The following ANAPC15 variants were observed in gnomAD, a reference collection of about 807,000 sequenced individuals.
ANAPC15 encodes the protein anaphase-promoting complex subunit 15.
Under a neutral mutation model 19.8 loss-of-function variants are expected in ANAPC15, and 13 were observed. The ratio of observed to expected loss-of-function variants is 0.66; its 90% CI spans 0.43 to 1.04. The LOEUF is 1.04. Among genes scored for constraint, ANAPC15 ranks in the 50% least tolerant of loss-of-function variants. The pLI, the probability that ANAPC15 is intolerant of heterozygous loss-of-function variation, is 0.00. For missense variants in ANAPC15, 88 were observed against 150.3 expected, an observed-to-expected ratio of 0.59 and a Z score of 2.17; for synonymous variants, 45 against 50.7, an observed-to-expected ratio of 0.89 and a Z score of 0.47.
downstream of ANAPC15, chr11:72,109,556 G>T: frequency 2.2e-6 from 1 of 453,534 alleles, no homozygotes; most frequent in Non-Finnish European, 4.1e-6. Flanking sequence ...ACTCCTCTGG[G>T]CCCCACCAAC....
At chr11:72,107,999 T>C (rs929045615), downstream of ANAPC15, 20 of 1,551,638 alleles carry the variant, frequency 1.3e-5, no homozygotes, top group Middle Eastern at 1.7e-4. Flanking sequence ...GTGGATACTC[T>C]ACCCTGCTTA....
Position 72,111,454 on chromosome 11 carries a change from C to G in ANAPC15, c.-53G>C. On this transcript the variant is annotated 5_prime_UTR_variant, in exon 2 of 6. Coordinates refer to ENST00000227618, the MANE Select transcript of ANAPC15 (RefSeq NM_014042.3). ...CTCCACCACTTACTAGCTGTTTGAC[C>G]TTGGCTGAGTCACTTAACCTCTCTG... 1.7e-6 allele frequency: 1 copy of G among 578,846 alleles called. No homozygotes were observed. Among genetic ancestry groups the G allele is most frequent in the South Asian group, 2.0e-5 (1 of 49,274 alleles). The allele number at this position is 578,846 out of a possible 1,614,324, so 35.9% of individuals were successfully genotyped here.
chr11:72,112,759 T>C (rs1237456836), upstream of ANAPC15: 1 of 456,380 alleles, frequency 2.2e-6, no homozygotes, highest in African/African-American at 2.0e-5. Flanking sequence ...TTCGTCTCCT[T>C]TTGTTTTCCC....
In ANAPC15 at chr11:72,112,655, C is replaced by G. The variant is rs1362176116; in HGVS notation, c.-101G>C. The G allele has an allele frequency of 2.2e-6, 1 of 456,512 alleles. No individual in the cohort carries two copies. Among genetic ancestry groups the G allele is most frequent in the Non-Finnish European group, 4.4e-6 (1 of 226,936 alleles). 28.3% of individuals were successfully genotyped at this position (456,512 alleles called of 1,614,324 possible). On this transcript the variant is annotated 5_prime_UTR_variant, in exon 1 of 6. Transcript: ENST00000227618. ...AGCCTTGCGTCTGTACTTACCGCGC[C>G]GGGAGGCTGCTGCCGGCGGCGACCC...
chr11:72,109,173 A>G (rs1946069493), downstream of ANAPC15: 1 of 531,112 alleles, frequency 1.9e-6, no homozygotes, highest in Non-Finnish European at 3.4e-6. Flanking sequence ...AAGAAGCCTG[A>G]GCTCCCGACC....
downstream of ANAPC15, chr11:72,107,386 T>G: frequency 1.5e-6 from 1 of 682,894 alleles, no homozygotes; most frequent in East Asian, 2.7e-5. Context: ...AAAGATAGGG[T>G]GGTTGTTTCT....
At chr11:72,108,559 GA>G (rs909026707), downstream of ANAPC15, 23 of 1,423,134 alleles carry the variant, frequency 1.6e-5, no homozygotes, top group African/African-American at 3.2e-4. Context: ...TTGACTGGGA[GA>G]ACAATTCCCC....
In ANAPC15 at chr11:72,109,790, C is replaced by G; in HGVS notation, c.*91G>C. 1 of 1,535,526 alleles carries G rather than the reference C, an allele frequency of 6.5e-7. No individual in the cohort carries two copies. The highest frequency in any genetic ancestry group is 9.0e-7 in the Non-Finnish European group (1 of 1,110,982). ...GGGCACTTTCAGGCACTGGGGCCAT[C>G]AGCTGGTTCTGTGGGCAGGGGTTGG... On this transcript the variant is annotated 3_prime_UTR_variant, in exon 6 of 6. Coordinates refer to ENST00000227618, the MANE Select transcript of ANAPC15 (RefSeq NM_014042.3).
chr11:72,108,502 A>G, downstream of ANAPC15: 1 of 1,004,198 alleles, frequency 1.0e-6, no homozygotes. Context: ...ACTCATGGGA[A>G]GCTAAGCCAG....
chr11:72,111,442 T>G lies in ANAPC15; in HGVS notation c.-41A>C. 1.7e-6 allele frequency: 1 copy of G among 600,710 alleles called. No individual in the cohort carries two copies. Among genetic ancestry groups the G allele is most frequent in the Non-Finnish European group, 3.0e-6 (1 of 333,132 alleles). 37.2% of individuals were successfully genotyped at this position (600,710 alleles called of 1,614,324 possible). A position where few individuals can be genotyped will look rare whatever the true frequency, so the allele number is the denominator to read the frequency against. On this transcript the variant is annotated 5_prime_UTR_variant, in exon 2 of 6. Transcript: ENST00000227618. Reference sequence around the variant, plus strand: ...TTTGAGTCCTGGCTCCACCACTTACTAGCTGTTTGACCTTGGCTGAGTCAC... The same window carrying G: ...TTTGAGTCCTGGCTCCACCACTTACGAGCTGTTTGACCTTGGCTGAGTCAC...
chr11:72,107,377 AAGAT>A (rs1215310030), downstream of ANAPC15: 3 of 672,716 alleles, frequency 4.5e-6, no homozygotes, highest in Non-Finnish European at 8.2e-6. Context: ...ATAAATCTGA[AAGAT>A]AGGGTGGTTG....
In ANAPC15 at chr11:72,109,928, C is replaced by A. The variant is rs1946228843; in HGVS notation, c.319G>T (p.Val107Leu). ...ESPDDGEVNE[V>L]DMEGNEQDQD... is the part of the protein sequence containing the mutation. ...TCCTGTTCGTTGCCTTCCATGTCCA[C>A]CTGGAGAGGAGGCTGGGTGTGGGTG... The change falls in exon 6 of 6, where the codon GTG becomes TTG. Residue 107 changes from valine (V) to leucine (L), a missense_variant and splice_region_variant. Transcript: ENST00000227618. The A allele has an allele frequency of 6.2e-7, 1 of 1,614,014 alleles. No individual in the cohort carries two copies. Among genetic ancestry groups the A allele is most frequent in the Non-Finnish European group, 8.5e-7 (1 of 1,180,022 alleles).
downstream of ANAPC15, chr11:72,107,552 T>C (rs1369071710): frequency 1.4e-6 from 1 of 702,184 alleles, no homozygotes; most frequent in South Asian, 1.5e-5. Flanking sequence ...CTGGGCACAG[T>C]TGTTTGGGAT....
chr11:72,111,135 G>T, intron 3 of ANAPC15, 22 bp downstream of exon 3: 1 of 1,324,232 alleles, frequency 7.6e-7, no homozygotes. Flanking sequence ...AGGTCTCTGT[G>T]CTGTGCTAGC....
chr11:72,111,094 G>T, intron 3 of ANAPC15, 63 bp downstream of exon 3: 1 of 1,006,260 alleles, frequency 9.9e-7, no homozygotes, highest in Non-Finnish European at 1.4e-6. Flanking sequence ...GCTGGGTCAT[G>T]GCCCACTGAA....
At chr11:72,112,618 G>C (rs775785829) in intron 1 of ANAPC15, 32 bp downstream of exon 1, 102 of 454,450 alleles carry the variant, frequency 2.2e-4, no homozygotes, top group Middle Eastern at 6.5e-4. Context: ...GAAGGGGCAA[G>C]GAGACGGTTG....
chr11:72,108,080 T>G, downstream of ANAPC15: 1 of 1,537,608 alleles, frequency 6.5e-7, no homozygotes, highest in Non-Finnish European at 8.8e-7. Flanking sequence ...CAGCAGTGGC[T>G]GAAAAACTCA....
chr11:72,110,283 C>G (rs1371363360), intron 4 of ANAPC15, 58 bp from the exon 5 acceptor site: 1 of 1,606,940 alleles, frequency 6.2e-7, no homozygotes, highest in Non-Finnish European at 8.5e-7. Flanking sequence ...AGTTCAAGAA[C>G]TGACCCACTT....
downstream of ANAPC15, among the ~76,000 whole-genome samples, chr11:72,108,303 G>A (rs1945927819): frequency 6.6e-6 from 1 of 152,228 alleles, no homozygotes; most frequent in Non-Finnish European, 1.5e-5. Context: ...TCTGCCGGAT[G>A]ACGAAAGAAA....
Sources: gnomAD v4.1 joint callset for allele counts (sites outside exome capture counted in the v4.1 genomes callset) on GRCh38, gnomAD v4.1.1 for gene constraint, MANE v1.5 for transcripts, NCBI Gene and HGNC (gene_info 2026-07-23, HGNC 2026-07-21) for gene names.